Variants in PTPRD observed in about 807,000 individuals in gnomAD.
PTPRD encodes the protein protein tyrosine phosphatase receptor type D.
A neutral mutation model predicts 214.5 loss-of-function variants in PTPRD; 34 were observed. That is an observed-to-expected ratio of 0.16 (90% CI 0.12 to 0.21). PTPRD has a LOEUF of 0.21. Among genes scored for constraint, PTPRD ranks in the 10% least tolerant of loss-of-function variants. PTPRD has a pLI of 1.00. For missense variants in PTPRD, 2,545 were observed against 2,398.7 expected, an observed-to-expected ratio of 1.06 and a Z score of -1.27; for synonymous variants, 1,128 against 845.7, an observed-to-expected ratio of 1.33 and a Z score of -5.79.
At chr9:10,244,408 T>C (rs1019307514) in intron 3 of PTPRD, among the ~76,000 whole-genome samples, 2 of 152,160 alleles carry the variant, frequency 1.3e-5, no homozygotes, top group Non-Finnish European at 2.9e-5. Flanking sequence ...CCCTGGCTGC[T>C]GAATGCATCT....
At chr9:8,832,436 TAACA>T (rs2097315951) in intron 11 of PTPRD, among the ~76,000 whole-genome samples, 1 of 92,632 alleles carries the variant, frequency 1.1e-5, no homozygotes. Context: ...TTTTGTCAAA[TAACA>T]CTTCACAATG....
At chr9:8,720,383 A>C (rs927359195) in intron 12 of PTPRD, among the ~76,000 whole-genome samples, 3 of 152,138 alleles carry the variant, frequency 2.0e-5, no homozygotes, top group African/African-American at 7.2e-5. Context: ...CCACTTCTGC[A>C]CCCTCCTATT....
At chr9:8,860,695 T>A (rs1213553883) in intron 11 of PTPRD, 2 of 152,198 alleles carry the variant, frequency 1.3e-5, no homozygotes, top group Non-Finnish European at 2.9e-5. Flanking sequence ...CTAGTAAACT[T>A]CTGGACTGGT....
intron 4 of PTPRD, among the ~76,000 whole-genome samples, chr9:9,968,180 A>G (rs2094839068): frequency 1.3e-5 from 2 of 152,168 alleles, no homozygotes; most frequent in Admixed American, 1.3e-4. Flanking sequence ...TGAAGCCACA[A>G]TTTTGAGTAA....
At chr9:8,925,239 T>C (rs1351574531) in intron 11 of PTPRD, among the ~76,000 whole-genome samples, 1 of 152,158 alleles carries the variant, frequency 6.6e-6, no homozygotes, top group African/African-American at 2.4e-5. Context: ...TGGGTACTTG[T>C]GTCCTTTTAT....
chr9:9,901,748 G>C (rs191905722), intron 5 of PTPRD, among the ~76,000 whole-genome samples: 10 of 152,224 alleles, frequency 6.6e-5, no homozygotes, highest in Admixed American at 4.6e-4. Flanking sequence ...TCACAGTTCT[G>C]GAGGCTGTAT....
chr9:9,806,914 A>G (rs561975331), intron 5 of PTPRD, among the ~76,000 whole-genome samples: 1 of 152,222 alleles, frequency 6.6e-6, no homozygotes, highest in South Asian at 2.1e-4. Flanking sequence ...GCCCCTCCCA[A>G]GTGCTGGCAG....
chr9:8,921,069 C>T (rs2098824330), intron 11 of PTPRD, among the ~76,000 whole-genome samples: 1 of 152,160 alleles, frequency 6.6e-6, no homozygotes, highest in African/African-American at 2.4e-5. Context: ...GCGCCTCGGC[C>T]TCCCAAAGTG....
chr9:10,338,467 G>C (rs1022677036), intron 3 of PTPRD, among the ~76,000 whole-genome samples: 2 of 151,698 alleles, frequency 1.3e-5, no homozygotes, highest in Non-Finnish European at 3.0e-5. Context: ...ATAATTTTTT[G>C]TGTGCCCAGC....
intron 30 of PTPRD, among the ~76,000 whole-genome samples, chr9:8,472,337 A>C (rs1164548764): frequency 6.6e-6 from 1 of 152,194 alleles, no homozygotes; most frequent in Non-Finnish European, 1.5e-5. Context: ...CAGGACAAAG[A>C]AACAAGAGGA....
intron 3 of PTPRD, among the ~76,000 whole-genome samples, chr9:10,097,487 T>C (rs1427961012): frequency 6.6e-6 from 1 of 151,530 alleles, no homozygotes; most frequent in African/African-American, 2.4e-5. Flanking sequence ...GGTATTTTAT[T>C]CTCTTTGAAG....
intron 11 of PTPRD, among the ~76,000 whole-genome samples, chr9:9,003,280 G>A (rs1375570548): frequency 6.6e-6 from 1 of 151,916 alleles, no homozygotes; most frequent in Non-Finnish European, 1.5e-5. Flanking sequence ...ATTGTTCTAT[G>A]AGCAACTAAG....
chr9:8,890,937 C>T (rs1179660762), intron 11 of PTPRD, among the ~76,000 whole-genome samples: 2 of 152,070 alleles, frequency 1.3e-5, no homozygotes, highest in East Asian at 3.9e-4. Context: ...CAGTCATAGA[C>T]CAGGTTCAGC....
chr9:9,138,375 G>T (rs1008103971), intron 10 of PTPRD, among the ~76,000 whole-genome samples: 4 of 152,032 alleles, frequency 2.6e-5, no homozygotes, highest in Non-Finnish European at 5.9e-5. Context: ...TGACTGTTAT[G>T]TACAATTATT....
intron 14 of PTPRD, among the ~76,000 whole-genome samples, chr9:8,606,830 A>C (rs2095240942): frequency 6.6e-6 from 1 of 152,260 alleles, no homozygotes; most frequent in African/African-American, 2.4e-5. Context: ...ATGTTCACAA[A>C]GCACATTGCT....
At chr9:9,810,314 T>G (rs1276561320) in intron 5 of PTPRD, among the ~76,000 whole-genome samples, 2 of 152,074 alleles carry the variant, frequency 1.3e-5, no homozygotes, top group Non-Finnish European at 2.9e-5. Context: ...AATAGCCTTC[T>G]ATTGAAAAAG....
At chr9:9,602,425 C>T (rs1232459549) in intron 7 of PTPRD, among the ~76,000 whole-genome samples, 6 of 151,820 alleles carry the variant, frequency 4.0e-5, no homozygotes, top group Non-Finnish European at 7.4e-5. Context: ...GTGTTAAGTA[C>T]GTGGTGAAAC....
At chr9:9,429,479 G>A (rs1027806762) in intron 8 of PTPRD, among the ~76,000 whole-genome samples, 19 of 152,108 alleles carry the variant, frequency 1.2e-4, no homozygotes, top group African/African-American at 4.3e-4. Context: ...GGTACAAAGA[G>A]GAGCTGGTAC....
At chr9:10,411,362 C>T (rs1297545550) in intron 2 of PTPRD, among the ~76,000 whole-genome samples, 2 of 151,742 alleles carry the variant, frequency 1.3e-5, no homozygotes, top group Non-Finnish European at 2.9e-5. Flanking sequence ...AACAGGATTT[C>T]CCAGTTCATC....
Sources: allele counts gnomAD v4.1 joint callset (sites outside exome capture counted in the v4.1 genomes callset), GRCh38; gene constraint gnomAD v4.1.1; transcripts MANE v1.5; gene names NCBI Gene and HGNC (gene_info 2026-07-23, HGNC 2026-07-21).